Variants in SDK1 observed in about 807,000 individuals in gnomAD.
SDK1 encodes protein sidekick-1.
In SDK1, 157 loss-of-function variants were observed where a neutral mutation model predicts 245.5. The ratio of observed to expected loss-of-function variants is 0.64; its 90% CI spans 0.56 to 0.73. The LOEUF (loss-of-function observed/expected upper bound fraction) is 0.73. SDK1 is among the 30% of genes least tolerant of loss of function. The pLI, the probability that SDK1 is intolerant of heterozygous loss-of-function variation, is 0.00. For missense variants in SDK1, 3,583 were observed against 3,002.3 expected (o/e 1.19, Z -4.52); for synonymous variants, 1,647 against 1,278.5 (o/e 1.29, Z -6.15).
At chr7:3,565,570 C>T (rs545201001) in intron 1 of SDK1, among the ~76,000 whole-genome samples, 30 of 152,188 alleles carry the variant, frequency 2.0e-4, no homozygotes, top group Non-Finnish European at 3.7e-4. Flanking sequence ...CTAAAGAGTA[C>T]AATGACATTA....
chr7:3,842,006 C>A (rs1358462272), intron 5 of SDK1, among the ~76,000 whole-genome samples: 1 of 152,246 alleles, frequency 6.6e-6, no homozygotes, highest in African/African-American at 2.4e-5. Flanking sequence ...CTCTCCTCCA[C>A]CTCCATGGCT....
Position 4,265,237 on chromosome 7 carries a change from T to C in SDK1, c.6495T>C (p.Pro2165=). ...AGCGCAGGGCCCAGGGCCGCGCACC[T>C]GCGCCGCACAGGTACGAGGCGGTGG... ...SWKRRAQGRA[P]APHRYEAVAG... The change falls in exon 45 of 45, where the codon CCT becomes CCC. Residue 2165 remains proline, a synonymous_variant. Coordinates refer to ENST00000404826, the MANE Select transcript of SDK1 (RefSeq NM_152744.4). 6.2e-7 allele frequency: 1 copy of C among 1,607,814 alleles called. No homozygotes were observed. The highest frequency in any genetic ancestry group is 8.5e-7 in the Non-Finnish European group (1 of 1,179,266).
intron 1 of SDK1, among the ~76,000 whole-genome samples, chr7:3,559,981 T>A (rs1014974980): frequency 6.6e-6 from 1 of 152,160 alleles, no homozygotes; most frequent in Non-Finnish European, 1.5e-5. Context: ...ATGGAAACAC[T>A]TGTATTGGCA....
chr7:3,770,723 G>C (rs1041882468), intron 4 of SDK1, among the ~76,000 whole-genome samples: 8 of 152,132 alleles, frequency 5.3e-5, no homozygotes. Flanking sequence ...CTGATTCTCA[G>C]TGGGCTGCCA....
chr7:3,429,601 A>G (rs373842461), intron 1 of SDK1, among the ~76,000 whole-genome samples: 4 of 140,566 alleles, frequency 2.8e-5, no homozygotes, highest in Non-Finnish European at 6.2e-5. Context: ...GCAAAAGCCT[A>G]TTTTTTTTTT....
intron 4 of SDK1, among the ~76,000 whole-genome samples, chr7:3,655,170 A>C (rs532329208): frequency 2.6e-5 from 4 of 151,598 alleles, no homozygotes; most frequent in Non-Finnish European, 5.9e-5. Flanking sequence ...CAGGTGACTC[A>C]CACCTGTAAT....
chr7:3,651,130 G>GT (rs35272140), intron 4 of SDK1, among the ~76,000 whole-genome samples: 129,606 of 142,326 alleles, frequency 0.91, 59,050 homozygotes, highest in Admixed American at 0.94. Flanking sequence ...TTTAGTTTTA[G>GT]TTTTTTTTTT....
rs564625366 is a variant in SDK1, at chr7:3,960,224, A to G, written c.1234+1210A>G. On this transcript the variant is annotated intron_variant, in intron 8 of 44. Transcript: ENST00000404826. ...CCAAAGGCACTGGGCCACTCAATGAAATGGGATCCTTCTCTGGTGAAGTCA... is the reference window on the plus strand; with the variant it reads ...CCAAAGGCACTGGGCCACTCAATGAGATGGGATCCTTCTCTGGTGAAGTCA... 3.3e-5 allele frequency among the ~76,000 whole-genome samples: 5 copies of G among 152,338 alleles called. No individual in the cohort carries two copies. The South Asian group carries it at 1.0e-3, about 32-fold the overall frequency.
intron 1 of SDK1, among the ~76,000 whole-genome samples, chr7:3,382,558 T>C (rs1160425065): frequency 6.6e-6 from 1 of 152,226 alleles, no homozygotes; most frequent in African/African-American, 2.4e-5. Context: ...CTAAGTGTTT[T>C]GATTGCCATA....
chr7:3,680,777 C>T (rs1239173273), intron 4 of SDK1, among the ~76,000 whole-genome samples: 1 of 152,176 alleles, frequency 6.6e-6, no homozygotes, highest in African/African-American at 2.4e-5. Flanking sequence ...TCCTCTTCCT[C>T]TTAAAGGCAA....
At chr7:3,935,641 A>G (rs1780132878) in intron 5 of SDK1, among the ~76,000 whole-genome samples, 1 of 152,208 alleles carries the variant, frequency 6.6e-6, no homozygotes. Flanking sequence ...AACATCACTA[A>G]TCATGAGGGA....
rs74933915 is a variant in SDK1, at chr7:3,851,191, G to A, written c.847+29608G>A. Among the ~76,000 whole-genome samples the A allele has an allele frequency of 1.1e-3, 170 of 152,278 alleles. 1 individual carries two copies. The highest frequency in any genetic ancestry group is 4.0e-3 in the African/African-American group (166 of 41,554). On this transcript the variant is annotated intron_variant, in intron 5 of 44. Transcript: ENST00000404826. ...TTTTATTAAAATTCACTTAAAGCTT[G>A]TTGAAAGCAGGCAGAGATGCTATCT... is the stretch of plus-strand genomic sequence containing the variant.
At chr7:3,474,956 T>C (rs73296790) in intron 1 of SDK1, among the ~76,000 whole-genome samples, 2,868 of 152,260 alleles carry the variant, frequency 0.019, 106 homozygotes, top group African/African-American at 0.065. Context: ...CTACCAAAAT[T>C]CTGGAATTGC....
chr7:3,687,888 C>T (rs774306240), intron 4 of SDK1, among the ~76,000 whole-genome samples: 1 of 152,076 alleles, frequency 6.6e-6, no homozygotes, highest in African/African-American at 2.4e-5. Flanking sequence ...ATAAAGGTAC[C>T]CAGGATTGCT....
chr7:3,737,145 G>T, intron 4 of SDK1, among the ~76,000 whole-genome samples: 1 of 152,222 alleles, frequency 6.6e-6, no homozygotes. Context: ...CTGCAGCCTG[G>T]TGGAGTGGCA....
chr7:3,403,001 C>G (rs1183513213), intron 1 of SDK1, among the ~76,000 whole-genome samples: 1 of 152,076 alleles, frequency 6.6e-6, no homozygotes, highest in African/African-American at 2.4e-5. Context: ...GTGGTGCTAT[C>G]TCGGCTCACT....
intron 1 of SDK1, among the ~76,000 whole-genome samples, chr7:3,428,288 G>C (rs1227426610): frequency 6.6e-6 from 1 of 152,146 alleles, no homozygotes; most frequent in African/African-American, 2.4e-5. Context: ...ATTTATCATA[G>C]TAACTGACAT....
chr7:4,105,627 A>G (rs1044228996), intron 22 of SDK1, among the ~76,000 whole-genome samples: 1 of 152,296 alleles, frequency 6.6e-6, no homozygotes, highest in South Asian at 2.1e-4. Context: ...TTTTAAATGA[A>G]TGCTTTGACA....
At chr7:3,843,023 C>G (rs1156848521) in intron 5 of SDK1, among the ~76,000 whole-genome samples, 3 of 152,128 alleles carry the variant, frequency 2.0e-5, no homozygotes, top group African/African-American at 2.4e-5. Flanking sequence ...GCCCGTCAGT[C>G]CGTCTGGACT....
Sources: allele counts gnomAD v4.1 joint callset (sites outside exome capture counted in the v4.1 genomes callset), GRCh38; gene constraint gnomAD v4.1.1; transcripts MANE v1.5; gene names NCBI Gene and HGNC (gene_info 2026-07-23, HGNC 2026-07-21).